Variants in DOK6 observed in about 807,000 individuals in gnomAD.
DOK6 encodes the protein docking protein 6.
DOK6 carries 22 observed loss-of-function variants against 44.0 expected under a neutral mutation model. That is an observed-to-expected ratio of 0.50 (90% confidence interval 0.36 to 0.71). DOK6 has a LOEUF of 0.71. DOK6 is among the 30% of genes least tolerant of loss of function. The pLI, the probability that DOK6 is intolerant of heterozygous loss-of-function variation, is 0.00. For synonymous variants in DOK6, 166 were observed against 145.5 expected, an observed-to-expected ratio of 1.14 and a Z score of -1.01; for missense variants, 340 against 416.4, an observed-to-expected ratio of 0.82 and a Z score of 1.60.
At chr18:69,611,149 G>T (rs767930442) in intron 3 of DOK6, among the ~76,000 whole-genome samples, 20 of 152,052 alleles carry the variant, frequency 1.3e-4, no homozygotes, top group Non-Finnish European at 2.5e-4. Flanking sequence ...ACAATTTATC[G>T]CATTCACATG....
intron 3 of DOK6, among the ~76,000 whole-genome samples, chr18:69,634,008 T>G (rs1361199681): frequency 2.6e-5 from 4 of 152,016 alleles, no homozygotes; most frequent in African/African-American, 9.7e-5. Flanking sequence ...ACTATTAATT[T>G]AGCAGTGACT....
At chr18:69,647,195 C>CTA (rs1171058607) in intron 3 of DOK6, among the ~76,000 whole-genome samples, 2 of 152,098 alleles carry the variant, frequency 1.3e-5, no homozygotes, top group Non-Finnish European at 2.9e-5. Flanking sequence ...ATCCATCTAC[C>CTA]TATCTATCTC....
chr18:69,478,932 C>T (rs1427440647), intron 1 of DOK6, among the ~76,000 whole-genome samples: 1 of 151,972 alleles, frequency 6.6e-6, no homozygotes, highest in Non-Finnish European at 1.5e-5. Flanking sequence ...AGAAAAAGAC[C>T]ACCAGATTGT....
chr18:69,502,498 C>T (rs148238730), intron 1 of DOK6, among the ~76,000 whole-genome samples: 302 of 152,144 alleles, frequency 2.0e-3, no homozygotes, highest in African/African-American at 6.7e-3. Flanking sequence ...GAGTCCCAAG[C>T]GAATAGAGCT....
intron 7 of DOK6, among the ~76,000 whole-genome samples, chr18:69,760,698 T>C (rs1465526623): frequency 6.7e-6 from 1 of 149,722 alleles, no homozygotes; most frequent in Non-Finnish European, 1.5e-5. Context: ...GTGTTTTCTA[T>C]CTAGTAGGAG....
chr18:69,701,118 T>C (rs1986509061), intron 5 of DOK6, among the ~76,000 whole-genome samples: 1 of 152,226 alleles, frequency 6.6e-6, no homozygotes, highest in African/African-American at 2.4e-5. Flanking sequence ...ACATGAACAG[T>C]AGGAATGGAT....
intron 6 of DOK6, among the ~76,000 whole-genome samples, chr18:69,744,674 C>G (rs1324304079): frequency 6.6e-6 from 1 of 152,026 alleles, no homozygotes; most frequent in Admixed American, 6.6e-5. Context: ...CCTGTAACCC[C>G]TGCACTTTGG....
intron 3 of DOK6, among the ~76,000 whole-genome samples, chr18:69,664,521 C>T (rs1985607826): frequency 6.6e-6 from 1 of 151,822 alleles, no homozygotes; most frequent in Admixed American, 6.6e-5. Flanking sequence ...GGAGGTAAGA[C>T]TAGAAGGAAA....
intron 3 of DOK6, among the ~76,000 whole-genome samples, chr18:69,612,332 C>A (rs543809813): frequency 2.3e-4 from 23 of 101,528 alleles, no homozygotes; most frequent in African/African-American, 9.0e-4. Flanking sequence ...AAACTAACTA[C>A]AAAACCAAAA....
intron 1 of DOK6, among the ~76,000 whole-genome samples, chr18:69,467,995 G>T (rs1042065647): frequency 6.6e-6 from 1 of 152,104 alleles, no homozygotes. Flanking sequence ...AATAGGCAAT[G>T]ATTTAATTTT....
intron 1 of DOK6, among the ~76,000 whole-genome samples, chr18:69,477,937 T>A (rs1980312691): frequency 6.6e-6 from 1 of 152,200 alleles, no homozygotes; most frequent in Non-Finnish European, 1.5e-5. Flanking sequence ...TTAGGCCGAA[T>A]CTGTCACAAA....
intron 3 of DOK6, among the ~76,000 whole-genome samples, chr18:69,635,038 C>T (rs1487976621): frequency 6.6e-6 from 1 of 152,162 alleles, no homozygotes; most frequent in Non-Finnish European, 1.5e-5. Flanking sequence ...TATTTACTGC[C>T]ACATCTGCCA....
At chr18:69,775,848 A>G (rs1324844620) in intron 7 of DOK6, among the ~76,000 whole-genome samples, 2 of 151,972 alleles carry the variant, frequency 1.3e-5, no homozygotes, top group Non-Finnish European at 2.9e-5. Flanking sequence ...AAGGCAAGGC[A>G]AAACACAAAG....
chr18:69,848,337 T>G lies in DOK6; in HGVS notation c.*6954T>G, dbSNP rs1338128623. On this transcript the variant is annotated 3_prime_UTR_variant, in exon 8 of 8. Coordinates refer to ENST00000382713, the MANE Select transcript of DOK6 (RefSeq NM_152721.6). ...TTTGATAAGAAATAACTTTGGACAT[T>G]AGGCCCTTGTTAAGAAATAAAACAC... 1 of 152,198 alleles carries G rather than the reference T, an allele frequency of 6.6e-6. No individual in the cohort carries two copies. Among genetic ancestry groups the G allele is most frequent in the Non-Finnish European group, 1.5e-5 (1 of 68,028 alleles). The allele number at this position is 152,198 out of a possible 1,614,324, so 9.4% of individuals were successfully genotyped here. A position where few individuals can be genotyped will look rare whatever the true frequency, so the allele number is the denominator to read the frequency against.
At chr18:69,525,126 G>A (rs1014862363) in intron 1 of DOK6, among the ~76,000 whole-genome samples, 1 of 151,668 alleles carries the variant, frequency 6.6e-6, no homozygotes, top group African/African-American at 2.4e-5. Context: ...TTAAAACTAT[G>A]TAAGAAATGG....
chr18:69,604,045 C>T (rs1004941789), intron 3 of DOK6, among the ~76,000 whole-genome samples: 15 of 152,036 alleles, frequency 9.9e-5, no homozygotes, highest in African/African-American at 3.6e-4. Context: ...AAGTAGTGGT[C>T]TCAATAAATC....
intron 1 of DOK6, among the ~76,000 whole-genome samples, chr18:69,508,077 A>G (rs1981246930): frequency 6.6e-6 from 1 of 152,056 alleles, no homozygotes. Context: ...TTTTTCATGA[A>G]TGGATGTTGA....
At chr18:69,524,763 T>G (rs1377412660) in intron 1 of DOK6, among the ~76,000 whole-genome samples, 2 of 151,914 alleles carry the variant, frequency 1.3e-5, no homozygotes, top group African/African-American at 4.8e-5. Flanking sequence ...CAACCTAATT[T>G]TTAAAACAAA....
chr18:69,520,137 A>G (rs1981645408), intron 1 of DOK6, among the ~76,000 whole-genome samples: 1 of 151,836 alleles, frequency 6.6e-6, no homozygotes, highest in South Asian at 2.1e-4. Context: ...GACATTTATT[A>G]TTATTAAAGA....
Sources: allele counts gnomAD v4.1 joint callset (sites outside exome capture counted in the v4.1 genomes callset), GRCh38; gene constraint gnomAD v4.1.1; transcripts MANE v1.5; gene names NCBI Gene and HGNC (gene_info 2026-07-23, HGNC 2026-07-21).